Variants in PRKG1 observed in about 807,000 individuals in gnomAD.
The protein encoded by PRKG1 is cGMP-dependent protein kinase 1.
Under a neutral mutation model 88.1 loss-of-function variants are expected in PRKG1, and 35 were observed. The ratio of observed to expected loss-of-function variants is 0.40; its 90% CI spans 0.30 to 0.53. The LOEUF (loss-of-function observed/expected upper bound fraction) is 0.53, where lower values mean the gene tolerates loss of function less well. Ranked by LOEUF, PRKG1 falls within the 20% of genes least tolerant of loss-of-function variation. The pLI, the probability that PRKG1 is intolerant of heterozygous loss-of-function variation, is 0.59. For synonymous variants in PRKG1, 303 were observed against 292.5 expected (o/e 1.04, Z -0.37); for missense variants, 540 against 839.8 (o/e 0.64, Z 4.41).
At chr10:51,465,273 A>G (rs947526758) in intron 2 of PRKG1, among the ~76,000 whole-genome samples, 3 of 152,162 alleles carry the variant, frequency 2.0e-5, no homozygotes, top group Non-Finnish European at 2.9e-5. Context: ...AAAAAACTCC[A>G]AAACTGTCTG....
At chr10:52,115,500 C>T (rs1224542598) in intron 7 of PRKG1, among the ~76,000 whole-genome samples, 2 of 152,224 alleles carry the variant, frequency 1.3e-5, no homozygotes, top group Middle Eastern at 3.4e-3. Context: ...GGTGACATGA[C>T]CATCTCACTT....
chr10:51,215,160 A>G (rs1838338576), intron 2 of PRKG1, among the ~76,000 whole-genome samples: 1 of 152,174 alleles, frequency 6.6e-6, no homozygotes, highest in Non-Finnish European at 1.5e-5. Flanking sequence ...CAGGAGGGAA[A>G]GGGTTAGTGT....
At chr10:51,574,729 T>C (rs747219222) in intron 3 of PRKG1, among the ~76,000 whole-genome samples, 2 of 151,986 alleles carry the variant, frequency 1.3e-5, no homozygotes, top group Non-Finnish European at 2.9e-5. Context: ...GTTAAGCTTC[T>C]AGGATGGTAT....
At chr10:51,311,117 G>A (rs1275979673) in intron 2 of PRKG1, among the ~76,000 whole-genome samples, 1 of 152,032 alleles carries the variant, frequency 6.6e-6, no homozygotes, top group Non-Finnish European at 1.5e-5. Flanking sequence ...CATTTCTCAG[G>A]GTCAGGTTCA....
intron 5 of PRKG1, among the ~76,000 whole-genome samples, chr10:52,035,676 G>A (rs1044757251): frequency 2.0e-5 from 3 of 152,184 alleles, no homozygotes; most frequent in Non-Finnish European, 2.9e-5. Flanking sequence ...AACGGTAATT[G>A]TGGGAGACTC....
chr10:52,097,396 G>A (rs1303131011), intron 7 of PRKG1, among the ~76,000 whole-genome samples: 2 of 151,768 alleles, frequency 1.3e-5, no homozygotes, highest in African/African-American at 4.8e-5. Context: ...AGAATATATG[G>A]GTGTTGTTTT....
intron 2 of PRKG1, among the ~76,000 whole-genome samples, chr10:51,257,259 C>G (rs1839588809): frequency 6.6e-6 from 1 of 151,140 alleles, no homozygotes; most frequent in Admixed American, 6.6e-5. Context: ...GCCCATCAGA[C>G]AGCTGGAGAC....
intron 7 of PRKG1, among the ~76,000 whole-genome samples, chr10:52,098,227 A>C (rs934880656): frequency 1.3e-5 from 2 of 152,214 alleles, no homozygotes; most frequent in Non-Finnish European, 2.9e-5. Flanking sequence ...TTTCACAAAA[A>C]TAATACATTT....
At chr10:51,398,890 C>A (rs1837653429) in intron 2 of PRKG1, among the ~76,000 whole-genome samples, 1 of 152,144 alleles carries the variant, frequency 6.6e-6, no homozygotes, top group African/African-American at 2.4e-5. Flanking sequence ...TTCTTTCAGA[C>A]TAGAACTGAA....
chr10:51,048,879 T>C (rs150486843), intron 1 of PRKG1, among the ~76,000 whole-genome samples: 109 of 152,082 alleles, frequency 7.2e-4, no homozygotes, highest in African/African-American at 2.5e-3. Context: ...AACAAGTCTG[T>C]AATGCTGTTA....
In PRKG1 at chr10:51,944,130, G is replaced by C. The variant is rs542237014; in HGVS notation, c.762+36560G>C. ...GCTATTGATTATTGCCACAATTTCAGCTCCTGTTATTGGTCTATTCAGAGA... is the reference window on the plus strand; with the variant it reads ...GCTATTGATTATTGCCACAATTTCACCTCCTGTTATTGGTCTATTCAGAGA... On this transcript the variant is annotated intron_variant, in intron 5 of 17. Transcript: ENST00000373980. Among the ~76,000 whole-genome samples, 16 of 152,118 alleles carry C rather than the reference G, an allele frequency of 1.1e-4. 1 individual carries two copies. The highest frequency in any genetic ancestry group is 3.4e-4 in the African/African-American group (14 of 41,402).
intron 14 of PRKG1, among the ~76,000 whole-genome samples, chr10:52,282,717 G>A (rs1347264247): frequency 2.6e-5 from 4 of 152,064 alleles, no homozygotes; most frequent in Non-Finnish European, 4.4e-5. Flanking sequence ...AATGAAAGGT[G>A]ACTGCTTTGT....
intron 2 of PRKG1, among the ~76,000 whole-genome samples, chr10:51,212,261 A>C (rs1838242566): frequency 6.6e-6 from 1 of 151,890 alleles, no homozygotes; most frequent in East Asian, 1.9e-4. Flanking sequence ...CTGGCTAGCC[A>C]TATGTAGAAA....
intron 1 of PRKG1, among the ~76,000 whole-genome samples, chr10:51,101,119 T>C (rs555262533): frequency 2.4e-4 from 36 of 152,306 alleles, no homozygotes; most frequent in Non-Finnish European, 4.1e-4. Flanking sequence ...TCATAGGTTG[T>C]AGCCTTAATC....
chr10:51,483,810 G>A (rs1840442781), intron 3 of PRKG1, among the ~76,000 whole-genome samples: 1 of 152,102 alleles, frequency 6.6e-6, no homozygotes, highest in Non-Finnish European at 1.5e-5. Context: ...CTCTTTTGCA[G>A]GGTTTCAAAC....
intron 9 of PRKG1, chr10:52,231,302 G>A (rs941019422): frequency 2.6e-5 from 4 of 152,212 alleles, no homozygotes; most frequent in African/African-American, 9.7e-5. Flanking sequence ...TCAGGAGGCT[G>A]AGGCAGGAGA....
At chr10:52,068,126 C>A (rs1846401805) in intron 7 of PRKG1, among the ~76,000 whole-genome samples, 1 of 106,106 alleles carries the variant, frequency 9.4e-6, no homozygotes, top group African/African-American at 2.8e-5. Context: ...TGGCGTGAAC[C>A]CGGGAGGCGG....
At chr10:52,200,288 CT>C (rs1430632172) in intron 9 of PRKG1, among the ~76,000 whole-genome samples, 1 of 152,140 alleles carries the variant, frequency 6.6e-6, no homozygotes, top group East Asian at 1.9e-4. Context: ...TTAGCTGCTA[CT>C]TATAAATGAT....
intron 9 of PRKG1, among the ~76,000 whole-genome samples, chr10:52,197,952 T>C (rs1839551038): frequency 6.6e-6 from 1 of 152,174 alleles, no homozygotes. Flanking sequence ...ATTTACAATA[T>C]GGTGCACAGA....
Sources: allele counts gnomAD v4.1 joint callset (sites outside exome capture counted in the v4.1 genomes callset), GRCh38; gene constraint gnomAD v4.1.1; transcripts MANE v1.5; gene names NCBI Gene and HGNC (gene_info 2026-07-23, HGNC 2026-07-21).